The following CHLSN variants were observed in gnomAD, a reference collection of about 807,000 sequenced individuals.
CHLSN encodes the protein cholesin, also known as protein cholesin.
chr7:1,121,987 C>G, the CHLSN span, among the ~76,000 whole-genome samples: 2 of 152,260 alleles, frequency 1.3e-5, no homozygotes. Flanking sequence ...TGTCTGAGCC[C>G]TCATGGTCCT....
chr7:1,093,531 G>A, the CHLSN span: 3 of 470,996 alleles, frequency 6.4e-6, no homozygotes, highest in South Asian at 1.5e-5. Flanking sequence ...CCCCTCTGTG[G>A]AGCGCCCGCC....
chr7:1,132,694 TA>T, the CHLSN span, among the ~76,000 whole-genome samples: 153 of 107,000 alleles, frequency 1.4e-3, 2 homozygotes, highest in East Asian at 5.3e-3. Context: ...AACCTGTCTT[TA>T]AAAAAAAAAA....
At chr7:1,136,131 T>C in the CHLSN span, among the ~76,000 whole-genome samples, 8 of 80,384 alleles carry the variant, frequency 1.0e-4, no homozygotes, top group Non-Finnish European at 1.7e-4. Flanking sequence ...TATATATAAA[T>C]ATATACATAA....
chr7:1,004,520 T>C, the CHLSN span, among the ~76,000 whole-genome samples: 1 of 151,940 alleles, frequency 6.6e-6, no homozygotes, highest in African/African-American at 2.4e-5. Context: ...AGGGCGCCTC[T>C]CTCTCACCGA....
chr7:1,016,642 C>G, the CHLSN span, among the ~76,000 whole-genome samples: 677 of 75,234 alleles, frequency 9.0e-3, 53 homozygotes, highest in African/African-American at 0.038. Flanking sequence ...CGCACGCCAG[C>G]GCACAGCAGC....
the CHLSN span, among the ~76,000 whole-genome samples, chr7:1,114,552 G>A: frequency 4.6e-5 from 7 of 152,362 alleles, no homozygotes; most frequent in South Asian, 6.2e-4. Flanking sequence ...CCGCTCGGCC[G>A]CTCATGGCCT....
At chr7:1,006,292 ACAGGGAAAGAGCACACGACGGCCACAGTG>A in the CHLSN span, among the ~76,000 whole-genome samples, 1 of 152,068 alleles carries the variant, frequency 6.6e-6, no homozygotes, top group South Asian at 2.1e-4. Context: ...CAGTCACAGC[ACAGGGAAAGAGCACACGACGGCCACAGTG>A]CAGGGAAAGA....
chr7:1,088,907 G>C, the CHLSN span, among the ~76,000 whole-genome samples: 2 of 151,924 alleles, frequency 1.3e-5, no homozygotes, highest in Non-Finnish European at 2.9e-5. This position sits in a 1 kb window ranked among gnomAD's most constrained non-coding sequence, Gnocchi z 4.5. Context: ...TCAGACACCA[G>C]GTCCCGTATC....
chr7:1,081,415 C>T, the CHLSN span, among the ~76,000 whole-genome samples: 983 of 152,352 alleles, frequency 6.5e-3, 78 homozygotes, highest in East Asian at 0.17. Flanking sequence ...CCTTGTAGAG[C>T]CCGAGCCCGG....
chr7:1,118,469 A>T, the CHLSN span, among the ~76,000 whole-genome samples: 1 of 152,236 alleles, frequency 6.6e-6, no homozygotes, highest in South Asian at 2.1e-4. Flanking sequence ...ACACCAAAGG[A>T]GGAAACAGAC....
the CHLSN span, among the ~76,000 whole-genome samples, chr7:1,063,062 C>A: frequency 6.6e-6 from 1 of 152,126 alleles, no homozygotes. Context: ...TGACCTGCCC[C>A]CTCCGTTCTC....
the CHLSN span, among the ~76,000 whole-genome samples, chr7:980,773 C>T: frequency 2.6e-5 from 4 of 151,202 alleles, no homozygotes; most frequent in East Asian, 2.0e-4. Flanking sequence ...CTGCAAGCTC[C>T]GCCTCCCGGG....
chr7:1,008,824 A>G, the CHLSN span, among the ~76,000 whole-genome samples: 1 of 113,976 alleles, frequency 8.8e-6, no homozygotes, highest in South Asian at 2.6e-4. Context: ...ACGCACATAT[A>G]CACAACGTGT....
chr7:984,808 C>G, the CHLSN span: 1 of 1,273,460 alleles, frequency 7.9e-7, no homozygotes, highest in Non-Finnish European at 1.1e-6. Context: ...CCAGGGCCAG[C>G]CCAGGGGGAC....
the CHLSN span, chr7:1,137,301 T>C: frequency 6.6e-6 from 1 of 152,498 alleles, no homozygotes; most frequent in African/African-American, 2.4e-5. Context: ...TCTCATCTTC[T>C]CCATGGCACT....
chr7:1,018,717 C>T, the CHLSN span, among the ~76,000 whole-genome samples: 2 of 151,936 alleles, frequency 1.3e-5, no homozygotes, highest in Non-Finnish European at 2.9e-5. Flanking sequence ...CCCAGGAATT[C>T]GAGACTGCAG....
At chr7:1,136,266 T>C in the CHLSN span, among the ~76,000 whole-genome samples, 1 of 117,328 alleles carries the variant, frequency 8.5e-6, no homozygotes, top group East Asian at 2.8e-4. Context: ...TAAACATATA[T>C]AAATATATAA....
the CHLSN span, chr7:997,819 G>C: frequency 1.3e-6 from 2 of 1,597,618 alleles, no homozygotes; most frequent in African/African-American, 1.4e-5. Flanking sequence ...ACGGGAAAGA[G>C]ATCGAGTTGG....
the CHLSN span, among the ~76,000 whole-genome samples, chr7:978,101 T>G: frequency 1.3e-5 from 2 of 152,230 alleles, no homozygotes; most frequent in African/African-American, 4.8e-5. Context: ...GAGGGACCTG[T>G]GGCCTGGAGG....
Sources: allele counts gnomAD v4.1 joint callset (sites outside exome capture counted in the v4.1 genomes callset), GRCh38; gene constraint gnomAD v4.1.1; non-coding constraint Gnocchi (gnomAD v3.1); transcripts MANE v1.5; gene names NCBI Gene and HGNC (gene_info 2026-07-23, HGNC 2026-07-21).